The following FMNL2 variants were observed in gnomAD, a reference collection of about 807,000 sequenced individuals.
FMNL2 encodes the protein formin like 2.
FMNL2 carries 51 observed loss-of-function variants against 130.2 expected under a neutral mutation model. The observed-to-expected ratio is 0.39, with a 90% CI of 0.31 to 0.49. The LOEUF is 0.49. Ranked by LOEUF, FMNL2 falls within the 20% of genes least tolerant of loss-of-function variation. The pLI is 0.85. For missense variants in FMNL2, 977 were observed against 1,316.2 expected (o/e 0.74, Z 3.99); for synonymous variants, 465 against 467.1 (o/e 1.00, Z 0.06).
chr2:152,368,702 C>T (rs1683705329), intron 1 of FMNL2, among the ~76,000 whole-genome samples: 1 of 151,880 alleles, frequency 6.6e-6, no homozygotes. Context: ...GCGAAGGGAA[C>T]CAGATTAATA....
chr2:152,455,801 A>T (rs1181990101), intron 1 of FMNL2, among the ~76,000 whole-genome samples: 1 of 152,062 alleles, frequency 6.6e-6, no homozygotes, highest in Non-Finnish European at 1.5e-5. Context: ...TGCAACCTTG[A>T]CCTCCTGGGC....
intron 1 of FMNL2, among the ~76,000 whole-genome samples, chr2:152,450,964 AC>A (rs1237377785): frequency 1.3e-5 from 2 of 152,088 alleles, no homozygotes; most frequent in African/African-American, 2.4e-5. Flanking sequence ...TCATGCCCTT[AC>A]CCCATCCTCA....
intron 2 of FMNL2, among the ~76,000 whole-genome samples, chr2:152,526,804 T>A (rs899451123): frequency 3.9e-5 from 6 of 152,190 alleles, no homozygotes; most frequent in African/African-American, 1.4e-4. Context: ...TTTTGTTTGG[T>A]ATTTGTTTTC....
intron 23 of FMNL2, among the ~76,000 whole-genome samples, 199 bp from the exon 24 acceptor site, chr2:152,639,759 G>A (rs902618424): frequency 3.9e-5 from 6 of 152,094 alleles, no homozygotes; most frequent in African/African-American, 1.4e-4. Context: ...TTGAATCTCA[G>A]CTCCCAGCTT....
chr2:152,645,784 T>C (rs923752727), intron 25 of FMNL2, among the ~76,000 whole-genome samples: 1 of 152,158 alleles, frequency 6.6e-6, no homozygotes, highest in East Asian at 1.9e-4. Context: ...CCCTTACCCC[T>C]GTCTTGGCCT....
In FMNL2 at chr2:152,643,390, G is replaced by C. The variant is rs888655046; in HGVS notation, c.3169+2476G>C. 5.2e-6 allele frequency: 8 copies of C among 1,535,222 alleles called. No homozygotes were observed. The African/African-American group carries it at 9.6e-5, about 18-fold the overall frequency. On this transcript the variant is annotated intron_variant, in intron 25 of 25. Transcript: ENST00000288670. Reference sequence around the variant, plus strand: ...CTTGGCTTTTTATTCTCTTCTGTTTGTGTTGTTTGGCTGTCATTTTCAATG... The same window carrying C: ...CTTGGCTTTTTATTCTCTTCTGTTTCTGTTGTTTGGCTGTCATTTTCAATG...
chr2:152,607,010 T>TG (rs1268114619), intron 9 of FMNL2, among the ~76,000 whole-genome samples: 6 of 130,250 alleles, frequency 4.6e-5, no homozygotes, highest in Admixed American at 1.7e-4. Context: ...TTTTTTGTTT[T>TG]TTTTTTTTTT....
intron 6 of FMNL2, among the ~76,000 whole-genome samples, chr2:152,573,533 C>T (rs1197937544): frequency 6.6e-6 from 1 of 152,158 alleles, no homozygotes; most frequent in Non-Finnish European, 1.5e-5. Context: ...CTCTGGGCTT[C>T]CGTTTTCTTA....
At chr2:152,422,832 A>G (rs908848417) in intron 1 of FMNL2, among the ~76,000 whole-genome samples, 1 of 152,124 alleles carries the variant, frequency 6.6e-6, no homozygotes, top group African/African-American at 2.4e-5. Context: ...CCGGCCTTGA[A>G]TGATTTTTAG....
At chr2:152,378,580 A>C (rs2105888283) in intron 1 of FMNL2, among the ~76,000 whole-genome samples, 1 of 152,290 alleles carries the variant, frequency 6.6e-6, no homozygotes, top group African/African-American at 2.4e-5. Context: ...AGAAGAACTA[A>C]TGTTTATTCT....
intron 1 of FMNL2, among the ~76,000 whole-genome samples, chr2:152,483,147 C>T (rs965530629): frequency 2.6e-5 from 4 of 152,006 alleles, no homozygotes; most frequent in African/African-American, 4.8e-5. Flanking sequence ...AAAGACTGGA[C>T]ATTGTTTTTC....
At chr2:152,459,516 T>A (rs1193829889) in intron 1 of FMNL2, among the ~76,000 whole-genome samples, 3 of 152,248 alleles carry the variant, frequency 2.0e-5, no homozygotes, top group Non-Finnish European at 4.4e-5. Flanking sequence ...CTAATAGGCA[T>A]ATTAAGCAAA....
At chr2:152,469,904 G>A (rs1689764248) in intron 1 of FMNL2, among the ~76,000 whole-genome samples, 1 of 152,112 alleles carries the variant, frequency 6.6e-6, no homozygotes, top group Non-Finnish European at 1.5e-5. Flanking sequence ...GCTGTATACT[G>A]CATTTTAGAG....
At position 152,581,007 on chromosome 2, in the gene FMNL2, C is replaced by T. The variant is rs375859629; in HGVS notation, c.834C>T (p.Gly278=). ...ELLAAVCLVR[G]GHEIILSAFD... is the part of the protein sequence containing the mutation. ...TGGCAGCCGTTTGTCTTGTCAGAGG[C>T]GGGCATGAAATCATTTTATCAGCAT... Residue 278 remains glycine, a synonymous_variant, in exon 9 of 26, where the codon GGC becomes GGT. Coordinates refer to ENST00000288670, the MANE Select transcript of FMNL2 (RefSeq NM_052905.4). The T allele has an allele frequency of 2.9e-5, 46 of 1,613,666 alleles. No individual in the cohort carries two copies. Among genetic ancestry groups the T allele is most frequent in the Non-Finnish European group, 3.6e-5 (42 of 1,179,814 alleles).
chr2:152,400,320 C>T (rs1057409201), intron 1 of FMNL2, among the ~76,000 whole-genome samples: 2 of 152,138 alleles, frequency 1.3e-5, no homozygotes, highest in Admixed American at 6.5e-5. Flanking sequence ...GCAGTCCCAG[C>T]TACTCTGTGG....
intron 1 of FMNL2, among the ~76,000 whole-genome samples, chr2:152,400,810 T>A (rs1172921860): frequency 6.6e-6 from 1 of 152,238 alleles, no homozygotes; most frequent in Non-Finnish European, 1.5e-5. Flanking sequence ...CAAAAATGTC[T>A]GTAGACTGCT....
intron 1 of FMNL2, among the ~76,000 whole-genome samples, chr2:152,449,869 C>G (rs1237311018): frequency 6.6e-6 from 1 of 152,080 alleles, no homozygotes; most frequent in Non-Finnish European, 1.5e-5. Context: ...CTACATTTTC[C>G]CAGAGTAGTC....
At chr2:152,353,300 C>G (rs1186963935) in intron 1 of FMNL2, among the ~76,000 whole-genome samples, 1 of 152,166 alleles carries the variant, frequency 6.6e-6, no homozygotes, top group Non-Finnish European at 1.5e-5. Flanking sequence ...GAATTCTGCT[C>G]TGTGCCTGAA....
intron 3 of FMNL2, among the ~76,000 whole-genome samples, chr2:152,546,162 G>A (rs1290909527): frequency 6.6e-6 from 1 of 152,202 alleles, no homozygotes; most frequent in Non-Finnish European, 1.5e-5. Context: ...CCCCGAGGAA[G>A]CAGAAGGCGG....
Sources: gnomAD v4.1 joint callset for allele counts (sites outside exome capture counted in the v4.1 genomes callset) on GRCh38, gnomAD v4.1.1 for gene constraint, MANE v1.5 for transcripts, NCBI Gene and HGNC (gene_info 2026-07-23, HGNC 2026-07-21) for gene names.